RABL3: variants seen among roughly 807,000 people sequenced by gnomAD.
RABL3 encodes the protein rab-like protein 3.
RABL3 carries 31 observed loss-of-function variants against 31.8 expected under a neutral mutation model. The ratio of observed to expected loss-of-function variants is 0.97; its 90% CI spans 0.73 to 1.31. The LOEUF is 1.31. RABL3 is among the 40% of genes most tolerant of loss of function. The probability of loss-of-function intolerance (pLI) is 0.00; values close to 1 mark genes in which losing one functional copy is unlikely to be tolerated. For missense variants in RABL3, 263 were observed against 279.6 expected (o/e 0.94, Z 0.42); for synonymous variants, 97 against 99.9 (o/e 0.97, Z 0.18).
At chr3:120,706,491 A>T (rs1708550060) in intron 3 of RABL3, among the ~76,000 whole-genome samples, 1 of 151,908 alleles carries the variant, frequency 6.6e-6, no homozygotes, top group Admixed American at 6.6e-5. Context: ...TCATTCAAAA[A>T]GTTATGTTGT....
chr3:120,740,267 T>C (rs949768269), intron 1 of RABL3, among the ~76,000 whole-genome samples: 1 of 151,648 alleles, frequency 6.6e-6, no homozygotes, highest in Non-Finnish European at 1.5e-5. Flanking sequence ...ATTCTTTTTA[T>C]TTTTTTTTCT....
At chr3:120,733,163 G>T (rs1708908227) in intron 1 of RABL3, among the ~76,000 whole-genome samples, 1 of 152,280 alleles carries the variant, frequency 6.6e-6, no homozygotes, top group East Asian at 1.9e-4. Flanking sequence ...GGATGAACTA[G>T]TTTACAGTTC....
chr3:120,742,155 C>CT (rs55966768), intron 1 of RABL3, among the ~76,000 whole-genome samples: 6,630 of 132,772 alleles, frequency 0.05, 200 homozygotes, highest in African/African-American at 0.06. Context: ...TCAATGCCTG[C>CT]TTTTTTTTTT....
intron 2 of RABL3, among the ~76,000 whole-genome samples, chr3:120,720,831 A>G (rs1708730857): frequency 6.6e-6 from 1 of 152,238 alleles, no homozygotes; most frequent in Non-Finnish European, 1.5e-5. Flanking sequence ...GGAAATACAG[A>G]GAACGCCACA....
At chr3:120,734,904 A>C (rs1019920174) in intron 1 of RABL3, among the ~76,000 whole-genome samples, 36 of 152,322 alleles carry the variant, frequency 2.4e-4, no homozygotes, top group Admixed American at 5.2e-4. Flanking sequence ...CCACTTGATC[A>C]TGGTAGATAA....
Position 120,685,586 on chromosome 3 carries a change from A to G in RABL3, c.*4237T>C, listed in dbSNP as rs1708299436. ...AAAGACAAATACTTGTTTTGCCAAC[A>G]GAAGACATGACAATCATCTCATGTT... On this transcript the variant is annotated 3_prime_UTR_variant, in exon 8 of 8. Coordinates refer to ENST00000273375, the MANE Select transcript of RABL3 (RefSeq NM_173825.5). 6.6e-6 allele frequency among the ~76,000 whole-genome samples: 1 copy of G among 152,246 alleles called. No individual in the cohort carries two copies. Among genetic ancestry groups the G allele is most frequent in the Non-Finnish European group, 1.5e-5 (1 of 68,040 alleles).
At chr3:120,699,715 T>C (rs964438098) in intron 4 of RABL3, among the ~76,000 whole-genome samples, 8 of 152,146 alleles carry the variant, frequency 5.3e-5, no homozygotes, top group African/African-American at 1.9e-4. Context: ...CACAATAATC[T>C]TACAGCGCCT....
chr3:120,694,696 A>G (rs1294993218), intron 5 of RABL3, among the ~76,000 whole-genome samples: 1 of 152,124 alleles, frequency 6.6e-6, no homozygotes, highest in Non-Finnish European at 1.5e-5. Flanking sequence ...TTAGAGGTGC[A>G]AAGAACAAAC....
intron 2 of RABL3, among the ~76,000 whole-genome samples, chr3:120,713,798 TTGTC>T (rs1388015203): frequency 5.3e-5 from 8 of 150,854 alleles, no homozygotes; most frequent in Non-Finnish European, 1.2e-4. Flanking sequence ...AGTTCATTCA[TTGTC>T]TGTAACTTTT....
At chr3:120,704,706 A>AT (rs907179365) in intron 4 of RABL3, among the ~76,000 whole-genome samples, 30 of 151,506 alleles carry the variant, frequency 2.0e-4, no homozygotes, top group Admixed American at 2.6e-4. Context: ...AATCAATTCT[A>AT]TTTTTTTTTA....
intron 2 of RABL3, among the ~76,000 whole-genome samples, chr3:120,713,849 C>A (rs1458932259): frequency 1.5e-5 from 2 of 132,678 alleles, no homozygotes; most frequent in Non-Finnish European, 3.1e-5. Flanking sequence ...CTCACTCTGT[C>A]ACCCAGGCTG....
upstream of RABL3, chr3:120,742,634 A>G (rs1709062911): frequency 8.7e-6 from 8 of 924,788 alleles, no homozygotes; most frequent in Non-Finnish European, 1.4e-5. Flanking sequence ...CGAAGGTTTC[A>G]CTGAACTCAT....
At position 120,689,690 on chromosome 3, in the gene RABL3, TAAAGGG is replaced by T; in HGVS notation, c.*127_*132del. The T allele has an allele frequency of 1.5e-6, 1 of 646,794 alleles. No homozygotes were observed. The highest frequency in any genetic ancestry group is 2.7e-6 in the Non-Finnish European group (1 of 370,030). The allele number at this position is 646,794 out of a possible 1,614,324, so 40.1% of individuals were successfully genotyped here. A position where few individuals can be genotyped will look rare whatever the true frequency, so the allele number is the denominator to read the frequency against. On this transcript the variant is annotated 3_prime_UTR_variant, in exon 8 of 8. Transcript: ENST00000273375. ...TTGTCACTTCCTTTCATTTTTCCAT[TAAAGGG>T]TAAGGCTGAAGGGTAGCATTTTAAG...
At chr3:120,710,934 C>A (rs1389365925) in intron 2 of RABL3, among the ~76,000 whole-genome samples, 7 of 152,164 alleles carry the variant, frequency 4.6e-5, no homozygotes, top group Admixed American at 4.6e-4. Flanking sequence ...CGAACTTATG[C>A]CCTAATGACC....
chr3:120,735,333 G>A (rs1248217644), intron 1 of RABL3, among the ~76,000 whole-genome samples: 1 of 152,200 alleles, frequency 6.6e-6, no homozygotes, highest in Non-Finnish European at 1.5e-5. Flanking sequence ...TATTTGCGTA[G>A]AGGTGTTTTT....
chr3:120,741,344 T>C (rs1257737707), intron 1 of RABL3, among the ~76,000 whole-genome samples: 1 of 152,258 alleles, frequency 6.6e-6, no homozygotes, highest in Non-Finnish European at 1.5e-5. Flanking sequence ...AAATATTTCA[T>C]AATGCAAATA....
At chr3:120,699,767 C>T (rs1282504250) in intron 4 of RABL3, among the ~76,000 whole-genome samples, 5 of 152,142 alleles carry the variant, frequency 3.3e-5, no homozygotes, top group Admixed American at 2.0e-4. Flanking sequence ...TTTTACTATA[C>T]AACCTCCCAT....
At chr3:120,704,717 T>C (rs1708530117) in intron 4 of RABL3, among the ~76,000 whole-genome samples, 1 of 152,206 alleles carries the variant, frequency 6.6e-6, no homozygotes, top group Non-Finnish European at 1.5e-5. Flanking sequence ...TTTTTTTTTA[T>C]ACTAGCAATG....
intron 1 of RABL3, among the ~76,000 whole-genome samples, chr3:120,738,067 G>A (rs1708993878): frequency 6.6e-6 from 1 of 152,232 alleles, no homozygotes; most frequent in Non-Finnish European, 1.5e-5. Context: ...GGACATTTAA[G>A]TCTGCAGAGG....
Sources: gnomAD v4.1 joint callset for allele counts (sites outside exome capture counted in the v4.1 genomes callset) on GRCh38, gnomAD v4.1.1 for gene constraint, MANE v1.5 for transcripts, NCBI Gene and HGNC (gene_info 2026-07-23, HGNC 2026-07-21) for gene names.